POC1A: variants seen among roughly 807,000 people sequenced by gnomAD.
The protein encoded by POC1A is POC1 centriolar protein homolog A.
A neutral mutation model predicts 47.8 loss-of-function variants in POC1A; 34 were observed. The observed-to-expected ratio is 0.71, with a 90% confidence interval of 0.54 to 0.95. The LOEUF (loss-of-function observed/expected upper bound fraction) is 0.95, where lower values mean the gene tolerates loss of function less well. Ranked by LOEUF, POC1A falls within the 40% of genes least tolerant of loss-of-function variation. The probability of loss-of-function intolerance (pLI) is 0.00; values close to 1 mark genes in which losing one functional copy is unlikely to be tolerated. For synonymous variants in POC1A, 177 were observed against 207.6 expected (o/e 0.85, Z 1.27); for missense variants, 466 against 528.3 (o/e 0.88, Z 1.16).
intron 10 of POC1A, among the ~76,000 whole-genome samples, chr3:52,078,904 T>TGG (rs1422174967): frequency 1.3e-5 from 2 of 152,282 alleles, no homozygotes; most frequent in African/African-American, 4.8e-5. Flanking sequence ...AGTGGCAAAG[T>TGG]GGAGACACAC....
intron 1 of POC1A, 57 bp downstream of exon 1, chr3:52,154,298 G>T (rs1454676516): frequency 3.3e-6 from 5 of 1,518,218 alleles, no homozygotes; most frequent in Non-Finnish European, 4.5e-6. Flanking sequence ...GCCATTAGGC[G>T]CCCAGTGTCC....
At chr3:52,115,698 G>C (rs997006406) in intron 9 of POC1A, among the ~76,000 whole-genome samples, 1 of 152,068 alleles carries the variant, frequency 6.6e-6, no homozygotes, top group Admixed American at 6.6e-5. Context: ...CTTCCACCAC[G>C]CGAGGACACA....
intron 8 of POC1A, among the ~76,000 whole-genome samples, chr3:52,124,683 C>T (rs2107102895): frequency 6.6e-6 from 1 of 152,302 alleles, no homozygotes; most frequent in South Asian, 2.1e-4. Flanking sequence ...GCCTCATCTC[C>T]CACATGGAGA....
At chr3:52,130,980 G>T (rs1704188335) in intron 7 of POC1A, among the ~76,000 whole-genome samples, 1 of 151,980 alleles carries the variant, frequency 6.6e-6, no homozygotes, top group Admixed American at 6.6e-5. Flanking sequence ...CGCCTGTGCA[G>T]GTCTGGGTCC....
chr3:52,113,022 G>C (rs949109014), intron 9 of POC1A, among the ~76,000 whole-genome samples: 1 of 152,184 alleles, frequency 6.6e-6, no homozygotes, highest in Non-Finnish European at 1.5e-5. Flanking sequence ...AGCCCTCAGA[G>C]TGATTCTGAG....
intron 7 of POC1A, 26 bp downstream of exon 7, chr3:52,138,143 C>T: frequency 6.2e-7 from 1 of 1,613,778 alleles, no homozygotes; most frequent in Non-Finnish European, 8.5e-7. Flanking sequence ...CTCCACACCA[C>T]TCAGCACCTG....
At chr3:52,083,482 TCTCCTGCTGGCCAC>T (rs1702365521) in intron 10 of POC1A, among the ~76,000 whole-genome samples, 1 of 152,092 alleles carries the variant, frequency 6.6e-6, no homozygotes, top group African/African-American at 2.4e-5. Context: ...GTCCCTCCTT[TCTCCTGCTGGCCAC>T]CTCCTCCCAG....
chr3:52,124,938 G>A (rs1297135115), intron 8 of POC1A, among the ~76,000 whole-genome samples, 175 bp downstream of exon 8: 1 of 152,146 alleles, frequency 6.6e-6, no homozygotes, highest in Non-Finnish European at 1.5e-5. Context: ...GGAGTGGCAA[G>A]GCCCCTGGAT....
intron 8 of POC1A, among the ~76,000 whole-genome samples, chr3:52,123,406 C>T (rs1281106113): frequency 6.6e-6 from 1 of 152,128 alleles, no homozygotes; most frequent in African/African-American, 2.4e-5. Context: ...GAGTGTGTGG[C>T]CAGTGGTCAC....
intron 7 of POC1A, among the ~76,000 whole-genome samples, chr3:52,127,884 C>T (rs1274964643): frequency 6.6e-6 from 1 of 151,988 alleles, no homozygotes; most frequent in Admixed American, 6.5e-5. Context: ...TTAGTAGAGA[C>T]GGGGTTTCGC....
intron 7 of POC1A, among the ~76,000 whole-genome samples, chr3:52,125,636 T>C (rs531931903): frequency 7.0e-4 from 107 of 152,002 alleles, no homozygotes; most frequent in African/African-American, 2.6e-3. Flanking sequence ...ACCAGAGAAA[T>C]AGGGATCTCC....
At position 52,079,762 on chromosome 3, in the gene POC1A, G is replaced by A. The variant is rs1418164846; in HGVS notation, c.1126-3777C>T. Among the ~76,000 whole-genome samples the A allele has an allele frequency of 6.6e-6, 1 of 152,194 alleles. No homozygotes were observed. Among genetic ancestry groups the A allele is most frequent in the Non-Finnish European group, 1.5e-5 (1 of 68,022 alleles). ...GTCCAGGGCTCTGGCTGCTAGAGGGGCAGCCTGGGCAAAGTGGCCAGGAAA... is the reference window on the plus strand; with the variant it reads ...GTCCAGGGCTCTGGCTGCTAGAGGGACAGCCTGGGCAAAGTGGCCAGGAAA... On this transcript the variant is annotated intron_variant, in intron 10 of 10. Transcript: ENST00000296484. The surrounding 1 kb of genome is among the most constrained non-coding windows in gnomAD (Gnocchi z 4.6).
intron 9 of POC1A, among the ~76,000 whole-genome samples, chr3:52,115,442 C>A (rs759302114): frequency 4.6e-5 from 7 of 152,204 alleles, no homozygotes; most frequent in Non-Finnish European, 1.0e-4. Flanking sequence ...CTCCCCTCTA[C>A]AGAAAGTGAA....
intron 9 of POC1A, among the ~76,000 whole-genome samples, chr3:52,118,328 A>T (rs1205881693): frequency 1.3e-5 from 2 of 152,234 alleles, no homozygotes; most frequent in African/African-American, 4.8e-5. Flanking sequence ...CTCAGCCAAG[A>T]ATAGAGGGAA....
rs1187753255 is a variant in POC1A at position 52,075,667 on chromosome 3, A to T, written c.*220T>A. 3 of 471,024 alleles carry T rather than the reference A, an allele frequency of 6.4e-6. No homozygotes were observed. Among genetic ancestry groups the T allele is most frequent in the Non-Finnish European group, 1.2e-5 (3 of 253,136 alleles). 29.2% of individuals were successfully genotyped at this position (471,024 alleles called of 1,614,324 possible). A position where few individuals can be genotyped will look rare whatever the true frequency, so the allele number is the denominator to read the frequency against. On this transcript the variant is annotated 3_prime_UTR_variant, in exon 11 of 11. Transcript: ENST00000296484. ...TCCTCTCATTCGGGTCTGAAGCATC[A>T]TTTGTGTGTGAGCCCGGCCCACTGG...
chr3:52,092,734 A>G (rs934468534), intron 10 of POC1A, among the ~76,000 whole-genome samples: 1 of 152,218 alleles, frequency 6.6e-6, no homozygotes, highest in Non-Finnish European at 1.5e-5. Flanking sequence ...TTTTCCCCAT[A>G]TAAATACACT....
chr3:52,096,674 C>A lies in POC1A; in HGVS notation c.1020G>T (p.Arg340Ser). The A allele has an allele frequency of 1.2e-6, 2 of 1,606,450 alleles. No homozygotes were observed. The highest frequency in any genetic ancestry group is 8.5e-7 in the Non-Finnish European group (1 of 1,177,092). ...VDFPVPPGRG[R>S]SVESVQSQPQ... is the part of the protein sequence containing the mutation. ...GCTGGCTCTGCACAGACTCCACACT[C>A]CTGCCTCTGCCTGGGGGGACAGGGA... The change falls in exon 10 of 11, where the codon AGG becomes AGT. Residue 340 changes from arginine to serine, a missense_variant. Physicochemically the swap from Arg to Ser is moderately radical, Grantham distance 110. Transcript: ENST00000296484.
At chr3:52,098,013 C>G (rs9843852) in intron 9 of POC1A, among the ~76,000 whole-genome samples, 22,541 of 152,250 alleles carry the variant, frequency 0.15, 2,680 homozygotes, top group African/African-American at 0.32. Context: ...GCAGTTCTGT[C>G]AGGAGACACA....
chr3:52,114,458 G>T (rs1490753782), intron 9 of POC1A, among the ~76,000 whole-genome samples: 3 of 152,206 alleles, frequency 2.0e-5, no homozygotes, highest in African/African-American at 4.8e-5. Flanking sequence ...ACTGACAGGG[G>T]TCCACACATG....
Sources: gnomAD v4.1 joint callset for allele counts (sites outside exome capture counted in the v4.1 genomes callset) on GRCh38, gnomAD v4.1.1 for gene constraint, Gnocchi (gnomAD v3.1) non-coding constraint, MANE v1.5 for transcripts, NCBI Gene and HGNC (gene_info 2026-07-23, HGNC 2026-07-21) for gene names.